The following COLEC10 variants were observed in gnomAD, a reference collection of about 807,000 sequenced individuals.
The protein encoded by COLEC10 is collectin-10.
Under a neutral mutation model 28.4 loss-of-function variants are expected in COLEC10, and 22 were observed. That is an observed-to-expected ratio of 0.78 (90% CI 0.55 to 1.11). The LOEUF is 1.11. Among genes scored for constraint, COLEC10 ranks in the 50% least tolerant of loss-of-function variants. The probability of loss-of-function intolerance (pLI) is 0.00; values close to 1 mark genes in which losing one functional copy is unlikely to be tolerated. For synonymous variants in COLEC10, 125 were observed against 116.1 expected (o/e 1.08, Z -0.49); for missense variants, 361 against 344.1 (o/e 1.05, Z -0.39).
chr8:119,091,093 A>G, intron 2 of COLEC10, 56 bp from the exon 3 acceptor site: 4 of 1,387,796 alleles, frequency 2.9e-6, no homozygotes, highest in Non-Finnish European at 4.1e-6. Context: ...CACATTAGCC[A>G]CATTTCAAGG....
the COLEC10 span, among the ~76,000 whole-genome samples, chr8:118,978,262 A>G: frequency 6.6e-6 from 1 of 152,156 alleles, no homozygotes; most frequent in African/African-American, 2.4e-5. Flanking sequence ...TAATAGGGTA[A>G]TTACAGTAAG....
chr8:118,975,892 A>G, the COLEC10 span, among the ~76,000 whole-genome samples: 1 of 152,068 alleles, frequency 6.6e-6, no homozygotes, highest in Admixed American at 6.6e-5. Context: ...TGAGCTGACC[A>G]GGCTTCTGGG....
chr8:119,048,235 A>G (rs781774253), intron 2 of COLEC10, among the ~76,000 whole-genome samples: 1 of 152,196 alleles, frequency 6.6e-6, no homozygotes. Context: ...ATAAATGACA[A>G]CATGTGGATT....
At chr8:118,956,381 C>A in the COLEC10 span, among the ~76,000 whole-genome samples, 1 of 152,156 alleles carries the variant, frequency 6.6e-6, no homozygotes, top group Non-Finnish European at 1.5e-5. Context: ...CAAATAAAGA[C>A]ATGTAAGAGA....
rs1815585590 is a variant in COLEC10 at position 119,091,212 on chromosome 8, G to A, written c.284G>A (p.Gly95Glu). 6.8e-6 allele frequency: 11 copies of A among 1,611,636 alleles called. No individual in the cohort carries two copies. The highest frequency in any genetic ancestry group is 9.3e-6 in the Non-Finnish European group (11 of 1,178,540). Residue 95 changes from glycine (G) to glutamate (E), a missense_variant, in exon 3 of 6, where the codon GGG (glycine) becomes GAG (glutamate). Transcript: ENST00000332843. The stretch of plus-strand genomic sequence containing the variant: ...AATATTGGCAAGACTGGGCCCATTG[G>A]GAAGAAGGGTAAGTTGCATCTTACT... Reference protein sequence around the residue: ...QGNIGKTGPIGKKGDKGEKGL... With the variant: ...QGNIGKTGPIEKKGDKGEKGL...
At chr8:119,102,840 G>C (rs542113349) in intron 4 of COLEC10, 2 of 160,090 alleles carry the variant, frequency 1.2e-5, no homozygotes, top group African/African-American at 4.8e-5. Context: ...AGATTCTCTA[G>C]GGTTATTGTC....
At chr8:118,958,268 G>T in the COLEC10 span, among the ~76,000 whole-genome samples, 1 of 152,196 alleles carries the variant, frequency 6.6e-6, no homozygotes, top group African/African-American at 2.4e-5. Context: ...TTAGGGGGGC[G>T]AGAGCAGTGG....
chr8:119,023,975 T>C (rs546724092), intron 2 of COLEC10, among the ~76,000 whole-genome samples: 1 of 152,330 alleles, frequency 6.6e-6, no homozygotes, highest in East Asian at 1.9e-4. Context: ...ATATTCCTTC[T>C]AGATAGTTCC....
At chr8:119,059,133 A>AT (rs1814811008) in intron 2 of COLEC10, among the ~76,000 whole-genome samples, 1 of 151,976 alleles carries the variant, frequency 6.6e-6, no homozygotes. Flanking sequence ...TGGATATATG[A>AT]TTTGTAAATG....
chr8:118,976,770 G>A, the COLEC10 span, among the ~76,000 whole-genome samples: 1 of 152,074 alleles, frequency 6.6e-6, no homozygotes, highest in African/African-American at 2.4e-5. Context: ...AAACTAAAGA[G>A]CTTCTGCACA....
At position 119,106,783 on chromosome 8, in the gene COLEC10, T is replaced by C. The variant is rs947313500; in HGVS notation, c.*592T>C. ...TTTATATGGGGGACTTCTAGCTTTGTGTCTTGTTTCAGACCATGTGGAATG... is the reference window on the plus strand; with the variant it reads ...TTTATATGGGGGACTTCTAGCTTTGCGTCTTGTTTCAGACCATGTGGAATG... On this transcript the variant is annotated 3_prime_UTR_variant, in exon 6 of 6. Coordinates refer to ENST00000332843, the MANE Select transcript of COLEC10 (RefSeq NM_006438.5). Among the ~76,000 whole-genome samples, 1 of 152,214 alleles carries C rather than the reference T, an allele frequency of 6.6e-6. No individual in the cohort carries two copies. Among genetic ancestry groups the C allele is most frequent in the Admixed American group, 6.5e-5 (1 of 15,272 alleles).
chr8:119,069,629 A>AAAAAAATATATATATATAT (rs1554627284), intron 1 of COLEC10, among the ~76,000 whole-genome samples: 5 of 42,862 alleles, frequency 1.2e-4, no homozygotes, highest in Non-Finnish European at 1.8e-4. Context: ...AAAAAAAAAA[A>AAAAAAATATATATATATAT]ATATATATAT....
chr8:118,963,990 G>A, the COLEC10 span, among the ~76,000 whole-genome samples: 5,861 of 152,220 alleles, frequency 0.039, 191 homozygotes, highest in East Asian at 0.17. Context: ...ACACCAATGT[G>A]CAATTTAATG....
intron 2 of COLEC10, among the ~76,000 whole-genome samples, chr8:119,009,847 TTAA>T (rs144176158): frequency 0.067 from 6,744 of 101,294 alleles, 406 homozygotes; most frequent in East Asian, 0.28. Flanking sequence ...GCTCTTTTTT[TTAA>T]AAAAAAATAG....
chr8:119,024,041 A>G (rs1479847204), intron 2 of COLEC10, among the ~76,000 whole-genome samples: 1 of 152,190 alleles, frequency 6.6e-6, no homozygotes, highest in Non-Finnish European at 1.5e-5. Context: ...GGTAAAGAGT[A>G]TAGGGTACAG....
At chr8:119,073,981 C>T (rs1008132950) in intron 1 of COLEC10, among the ~76,000 whole-genome samples, 3 of 150,380 alleles carry the variant, frequency 2.0e-5, no homozygotes, top group African/African-American at 4.9e-5. Flanking sequence ...TATATATACA[C>T]GTATATATAT....
intron 2 of COLEC10, among the ~76,000 whole-genome samples, chr8:119,042,122 C>T (rs529094562): frequency 1.1e-4 from 16 of 151,926 alleles, no homozygotes; most frequent in African/African-American, 2.9e-4. Context: ...TTCAGCCCCC[C>T]GAGAAGCTGG....
At chr8:119,048,881 G>A (rs146063413) in intron 2 of COLEC10, among the ~76,000 whole-genome samples, 49 of 152,228 alleles carry the variant, frequency 3.2e-4, no homozygotes, top group Admixed American at 1.7e-3. Context: ...CTGCCATGTT[G>A]TCAGCTGGTT....
chr8:119,086,173 G>A (rs918556192), intron 1 of COLEC10, among the ~76,000 whole-genome samples: 1 of 152,186 alleles, frequency 6.6e-6, no homozygotes, highest in Non-Finnish European at 1.5e-5. Context: ...GCGGTCAAAT[G>A]TGTGCTGTGT....
Sources: allele counts gnomAD v4.1 joint callset (sites outside exome capture counted in the v4.1 genomes callset), GRCh38; gene constraint gnomAD v4.1.1; transcripts MANE v1.5; gene names NCBI Gene and HGNC (gene_info 2026-07-23, HGNC 2026-07-21).